Variants in MTERF4 observed in about 807,000 individuals in gnomAD.
The protein encoded by MTERF4 is transcription termination factor 4, mitochondrial.
In MTERF4, 17 loss-of-function variants were observed where a neutral mutation model predicts 22.5. The ratio of observed to expected loss-of-function variants is 0.75; its 90% confidence interval spans 0.52 to 1.13. The LOEUF is 1.13. MTERF4 is among the 50% of genes most tolerant of loss of function. The pLI is 0.00. For synonymous variants in MTERF4, 165 were observed against 175.3 expected (o/e 0.94, Z 0.47); for missense variants, 420 against 466.8 (o/e 0.90, Z 0.92).
the MTERF4 span, among the ~76,000 whole-genome samples, chr2:241,057,980 A>G: frequency 3.3e-5 from 5 of 152,214 alleles, no homozygotes; most frequent in Non-Finnish European, 7.3e-5. Context: ...TTATGATAGA[A>G]AAAATACAAA....
At chr2:241,069,184 C>CGCTGG (rs1423527322), downstream of MTERF4, among the ~76,000 whole-genome samples, 3 of 152,202 alleles carry the variant, frequency 2.0e-5, no homozygotes, top group African/African-American at 7.2e-5. This position sits in a 1 kb window ranked among gnomAD's most constrained non-coding sequence, Gnocchi z 4.9. Context: ...GGGCAGGAGC[C>CGCTGG]GCTGGGCTGG....
At chr2:241,101,368 A>C (rs2064699521) in intron 1 of MTERF4, 2 of 325,008 alleles carry the variant, frequency 6.2e-6, no homozygotes, top group African/African-American at 2.2e-5. Context: ...GGCGGAGCTC[A>C]GGCGGTAATG....
the MTERF4 span, among the ~76,000 whole-genome samples, chr2:241,058,258 C>G: frequency 2.0e-5 from 3 of 152,184 alleles, no homozygotes; most frequent in African/African-American, 7.2e-5. Context: ...TATAAATATT[C>G]AAGCATCTAA....
rs778108608 is a variant in MTERF4, at chr2:241,096,481, T to G, written c.706-43A>C. 8.8e-6 allele frequency: 14 copies of G among 1,593,726 alleles called. No individual in the cohort carries two copies. In the East Asian group the frequency reaches 3.1e-4, roughly 36 times the overall value. On this transcript the variant is annotated intron_variant, in intron 3 of 3. Transcript: ENST00000391980. This position sits in a 1 kb window ranked among gnomAD's most constrained non-coding sequence, Gnocchi z 5.1. ...ACTTAGGAGTCCCAGATACAGAGTATTGAAACCTATCATTCTATAAACCAT... is the reference window on the plus strand; with the variant it reads ...ACTTAGGAGTCCCAGATACAGAGTAGTGAAACCTATCATTCTATAAACCAT...
At chr2:241,090,466 G>C, downstream of MTERF4, 1 of 1,529,232 alleles carries the variant, frequency 6.5e-7, no homozygotes, top group Non-Finnish European at 8.8e-7. Flanking sequence ...TAATGATGAA[G>C]AGTATAGTAA....
chr2:241,084,263 A>G (rs1466445787), downstream of MTERF4, among the ~76,000 whole-genome samples: 2 of 150,814 alleles, frequency 1.3e-5, no homozygotes, highest in Non-Finnish European at 2.9e-5. Context: ...CAGCCCCCCG[A>G]GTAGCTGGGA....
chr2:241,079,113 CAAAAA>C (rs1274280801), intron 4 of MTERF4, among the ~76,000 whole-genome samples: 1 of 72,542 alleles, frequency 1.4e-5, no homozygotes, highest in Non-Finnish European at 2.6e-5. Context: ...GACTCCATCT[CAAAAA>C]AAAAAAAAAA....
At chr2:241,056,603 C>T in the MTERF4 span, among the ~76,000 whole-genome samples, 13 of 24,690 alleles carry the variant, frequency 5.3e-4, no homozygotes, top group African/African-American at 2.6e-3. Flanking sequence ...TTTTTTGAGA[C>T]GGAGTCTCGC....
At chr2:241,068,996 G>GCCA (rs1429095635), downstream of MTERF4, 4 of 1,553,704 alleles carry the variant, frequency 2.6e-6, no homozygotes. The surrounding 1 kb of genome is among the most constrained non-coding windows in gnomAD (Gnocchi z 5.3). Context: ...AGAGAGCCTG[G>GCCA]CCACCGCGCC....
the MTERF4 span, among the ~76,000 whole-genome samples, chr2:241,055,919 ACTC>A: frequency 6.6e-5 from 10 of 152,010 alleles, no homozygotes; most frequent in Non-Finnish European, 1.5e-4. Flanking sequence ...ACCCAGCTCA[ACTC>A]CTAATGATAT....
the MTERF4 span, chr2:241,064,265 T>A: frequency 1.6e-6 from 1 of 614,892 alleles, no homozygotes; most frequent in Non-Finnish European, 2.7e-6. This position sits in a 1 kb window ranked among gnomAD's most constrained non-coding sequence, Gnocchi z 7.0. Context: ...GCCTTGGAAG[T>A]CCCCTTCTCA....
chr2:241,088,549 C>T (rs1001379056), downstream of MTERF4: 2 of 681,508 alleles, frequency 2.9e-6, no homozygotes, highest in Non-Finnish European at 5.1e-6. Flanking sequence ...GTTACAGACT[C>T]CCGGGCAGGA....
chr2:241,061,020 A>C, the MTERF4 span, among the ~76,000 whole-genome samples: 1 of 152,174 alleles, frequency 6.6e-6, no homozygotes, highest in South Asian at 2.1e-4. Flanking sequence ...AGACTCCTTA[A>C]GCCACAAAAA....
chr2:241,069,119 C>T, downstream of MTERF4: 2 of 807,070 alleles, frequency 2.5e-6, no homozygotes, highest in Admixed American at 2.9e-5. This position sits in a 1 kb window ranked among gnomAD's most constrained non-coding sequence, Gnocchi z 4.9. Context: ...AAAGCGTCCA[C>T]AACACCAGAA....
chr2:241,050,911 C>A, the MTERF4 span, among the ~76,000 whole-genome samples: 3 of 152,224 alleles, frequency 2.0e-5, no homozygotes, highest in Non-Finnish European at 2.9e-5. Flanking sequence ...GGTTCTGTGC[C>A]CGCCCCAGGA....
intron 4 of MTERF4, among the ~76,000 whole-genome samples, chr2:241,077,184 A>G (rs1371161883): frequency 2.6e-5 from 4 of 152,330 alleles, no homozygotes; most frequent in African/African-American, 9.6e-5. Context: ...GAATAGTCTC[A>G]GCAAATGGTG....
downstream of MTERF4, chr2:241,087,243 C>T (rs2063631586): frequency 6.3e-6 from 4 of 630,012 alleles, no homozygotes; most frequent in Non-Finnish European, 1.1e-5. Context: ...CATTTTAATA[C>T]ATCAATAGGA....
downstream of MTERF4, chr2:241,087,602 G>T: frequency 6.9e-7 from 1 of 1,448,080 alleles, no homozygotes; most frequent in South Asian, 1.5e-5. Context: ...GCCCAGATAG[G>T]CAGCCCCTGG....
At chr2:241,089,109 C>T (rs982985889), downstream of MTERF4, 1 of 520,546 alleles carries the variant, frequency 1.9e-6, no homozygotes, top group Non-Finnish European at 3.3e-6. Context: ...ACAACACTGG[C>T]ATTCTTCACA....
Sources: allele counts gnomAD v4.1 joint callset (sites outside exome capture counted in the v4.1 genomes callset), GRCh38; gene constraint gnomAD v4.1.1; non-coding constraint Gnocchi (gnomAD v3.1); transcripts MANE v1.5; gene names NCBI Gene and HGNC (gene_info 2026-07-23, HGNC 2026-07-21).